The following MMP2 variants were observed in gnomAD, a reference collection of about 807,000 sequenced individuals.
The protein encoded by MMP2 is 72 kDa type IV collagenase.
A neutral mutation model predicts 74.8 loss-of-function variants in MMP2; 39 were observed. The ratio of observed to expected loss-of-function variants is 0.52; its 90% CI spans 0.40 to 0.68. The LOEUF (loss-of-function observed/expected upper bound fraction) is 0.68, where lower values mean the gene tolerates loss of function less well. MMP2 is among the 30% of genes least tolerant of loss of function. The pLI, the probability that MMP2 is intolerant of heterozygous loss-of-function variation, is 0.00. For synonymous variants in MMP2, 367 were observed against 339.8 expected, an observed-to-expected ratio of 1.08 and a Z score of -0.88; for missense variants, 803 against 878.3, an observed-to-expected ratio of 0.91 and a Z score of 1.08.
intron 12 of MMP2, among the ~76,000 whole-genome samples, chr16:55,503,851 G>A (rs1962729304): frequency 6.6e-6 from 1 of 152,078 alleles, no homozygotes; most frequent in Admixed American, 6.6e-5. Context: ...ATAATTATTG[G>A]CGGGCAAGAT....
chr16:55,483,781 G>A (rs891622834), intron 2 of MMP2, among the ~76,000 whole-genome samples: 1 of 152,162 alleles, frequency 6.6e-6, no homozygotes, highest in Admixed American at 6.5e-5. Context: ...GGCATTCTGG[G>A]AGGGTTGTCC....
chr16:55,496,857 G>A (rs563820196), intron 9 of MMP2, 69 bp from the exon 10 acceptor site: 72 of 1,600,482 alleles, frequency 4.5e-5, no homozygotes, highest in African/African-American at 3.2e-4. Context: ...GTGGGTTTGG[G>A]GGTGTGTGTG....
At chr16:55,490,206 A>C (rs1365835322) in intron 7 of MMP2, among the ~76,000 whole-genome samples, 1 of 152,196 alleles carries the variant, frequency 6.6e-6, no homozygotes, top group Non-Finnish European at 1.5e-5. Flanking sequence ...CAGAGAGACA[A>C]TTCTCCTAAG....
intron 10 of MMP2, 126 bp from the exon 11 acceptor site, chr16:55,498,163 T>G: frequency 2.4e-6 from 3 of 1,233,220 alleles, no homozygotes; most frequent in East Asian, 2.3e-5. Flanking sequence ...CAACCAGGAG[T>G]GAGCAGGAAG....
intron 9 of MMP2, among the ~76,000 whole-genome samples, chr16:55,494,710 G>T (rs1407961049): frequency 6.6e-6 from 1 of 152,222 alleles, no homozygotes; most frequent in Non-Finnish European, 1.5e-5. Context: ...ATTAAAGTTT[G>T]TGCATCACAA....
rs576737238 is a variant in MMP2 at position 55,485,929 on chromosome 16, A to C, written c.832+152A>C. 4.0e-5 allele frequency: 30 copies of C among 753,038 alleles called. No individual in the cohort carries two copies. The African/African-American group carries it at 4.8e-4, about 12-fold the overall frequency. 46.6% of individuals were successfully genotyped at this position (753,038 alleles called of 1,614,324 possible). A position where few individuals can be genotyped will look rare whatever the true frequency, so the allele number is the denominator to read the frequency against. On this transcript the variant is annotated intron_variant, in intron 5 of 12. Transcript: ENST00000219070. ...AACGTCCTTCACTCAGTTCCCCCCC[A>C]TCCTGATCTGAGCCATTGCTGTTTC...
intron 11 of MMP2, 76 bp from the exon 12 acceptor site, chr16:55,502,703 G>T: frequency 7.7e-7 from 1 of 1,306,926 alleles, no homozygotes; most frequent in East Asian, 2.3e-5. Context: ...CCATCAGCTG[G>T]GTGCTCCCAT....
chr16:55,491,812 T>C lies in MMP2; in HGVS notation c.1192T>C (p.Phe398Leu). The change falls in exon 8 of 13, where the codon TTC (phenylalanine) becomes CTC (leucine). Residue 398 changes from phenylalanine to leucine, a missense_variant. Physicochemically the swap from Phe to Leu is conservative, Grantham distance 22. This residue lies in a region of MMP2 where 555 missense variants were observed against 592.0 expected (regional missense o/e 0.94). Coordinates refer to ENST00000219070, the MANE Select transcript of MMP2 (RefSeq NM_004530.6). ...GFCPDQGYSL[F>L]LVAAHEFGHA... ...CCTGCAACCCTCAGGGTACAGCCTGTTCCTCGTGGCAGCCCACGAGTTTGG... is the reference window on the plus strand; with the variant it reads ...CCTGCAACCCTCAGGGTACAGCCTGCTCCTCGTGGCAGCCCACGAGTTTGG... 6.2e-7 allele frequency: 1 copy of C among 1,614,222 alleles called. No homozygotes were observed. The highest frequency in any genetic ancestry group is 2.2e-5 in the East Asian group (1 of 44,866).
Position 55,488,685 on chromosome 16 carries a change from C to A in MMP2, c.975C>A (p.Arg325=). 6.2e-7 allele frequency: 1 copy of A among 1,610,570 alleles called. No homozygotes were observed. The highest frequency in any genetic ancestry group is 8.5e-7 in the Non-Finnish European group (1 of 1,178,640). The change falls in exon 6 of 13, where the codon CGC becomes CGA. Residue 325 remains arginine (R), a synonymous_variant. Transcript: ENST00000219070. The stretch of plus-strand genomic sequence containing the variant: ...GCGGCACCACTGAGGACTACGACCG[C>A]GACAAGAAGTATGGCTTCTGCCCTG... ...RWCGTTEDYD[R]DKKYGFCPET... is the part of the protein sequence containing the mutation.
intron 11 of MMP2, among the ~76,000 whole-genome samples, chr16:55,500,494 T>TAAACACAC (rs1555493256): frequency 7.3e-6 from 1 of 136,194 alleles, no homozygotes; most frequent in East Asian, 2.4e-4. Context: ...CATGTGCGCA[T>TAAACACAC]ACACACACAC....
chr16:55,481,429 A>T (rs1320600632), intron 1 of MMP2: 1 of 164,994 alleles, frequency 6.1e-6, no homozygotes, highest in African/African-American at 2.4e-5. Context: ...CTTTCATTGC[A>T]GTCTTGGTTT....
chr16:55,505,210 C>G, intron 12 of MMP2, 129 bp from the exon 13 acceptor site: 1 of 852,970 alleles, frequency 1.2e-6, no homozygotes, highest in Non-Finnish European at 2.0e-6. Flanking sequence ...CTGCCTCAGC[C>G]TTTCAAAGCT....
intron 9 of MMP2, among the ~76,000 whole-genome samples, chr16:55,495,648 C>T (rs909423511): frequency 2.0e-5 from 3 of 152,200 alleles, no homozygotes; most frequent in Non-Finnish European, 4.4e-5. Flanking sequence ...CACCTTCCTA[C>T]GCTAGGATGT....
In MMP2 at chr16:55,488,604, G is replaced by A. The variant is rs1962318951; in HGVS notation, c.894G>A (p.Gln298=). The A allele has an allele frequency of 6.2e-7, 1 of 1,613,816 alleles. No homozygotes were observed. The highest frequency in any genetic ancestry group is 8.5e-7 in the Non-Finnish European group (1 of 1,179,966). The part of the protein sequence containing the change: ...GQPCKFPFRF[Q]GTSYDSCTTE... ...CCTGCAAGTTTCCATTCCGCTTCCA[G>A]GGCACATCCTATGACAGCTGCACCA... Residue 298 remains glutamine (Q), a synonymous_variant, in exon 6 of 13, where the codon CAG becomes CAA. Coordinates refer to ENST00000219070, the MANE Select transcript of MMP2 (RefSeq NM_004530.6).
Position 55,488,559 on chromosome 16 carries a change from C to T in MMP2, c.849C>T (p.Gly283=), listed in dbSNP as rs141562796. Residue 283 remains glycine, a synonymous_variant, in exon 6 of 13, where the codon GGC becomes GGT. Transcript: ENST00000219070. ...CACCCTTAGCCCTGTTCACCATGGGCGGCAACGCTGAAGGACAGCCCTGCA... is the reference window on the plus strand; with the variant it reads ...CACCCTTAGCCCTGTTCACCATGGGTGGCAACGCTGAAGGACAGCCCTGCA... ...FCPHEALFTM[G]GNAEGQPCKF... The T allele has an allele frequency of 4.1e-5, 66 of 1,613,870 alleles. No individual in the cohort carries two copies. The African/African-American group carries it at 4.5e-4, about 11-fold the overall frequency.
At chr16:55,499,462 C>A (rs2142369418) in intron 11 of MMP2, among the ~76,000 whole-genome samples, 2 of 152,226 alleles carry the variant, frequency 1.3e-5, no homozygotes, top group South Asian at 4.2e-4. Flanking sequence ...CTGTGTCATG[C>A]TCACAGCAGG....
intron 9 of MMP2, among the ~76,000 whole-genome samples, chr16:55,494,063 C>T (rs1596820958): frequency 6.6e-6 from 1 of 152,170 alleles, no homozygotes; most frequent in East Asian, 1.9e-4. Context: ...TCCATCCATA[C>T]CTATATCTTT....
intron 1 of MMP2, 57 bp downstream of exon 1, chr16:55,479,689 G>A (rs1962047795): frequency 6.2e-6 from 10 of 1,609,758 alleles, no homozygotes; most frequent in Non-Finnish European, 6.8e-6. Flanking sequence ...GGAGGCAAAG[G>A]ATGGGGGTGT....
chr16:55,491,416 G>C (rs558821697), intron 7 of MMP2, among the ~76,000 whole-genome samples: 41 of 152,102 alleles, frequency 2.7e-4, no homozygotes, highest in Non-Finnish European at 4.1e-4. Context: ...AGAGGCTGAG[G>C]AGCTGGGTTT....
Sources: allele counts gnomAD v4.1 joint callset (sites outside exome capture counted in the v4.1 genomes callset), GRCh38; gene constraint gnomAD v4.1.1; regional missense constraint gnomAD v4.1.1; transcripts MANE v1.5; gene names NCBI Gene and HGNC (gene_info 2026-07-23, HGNC 2026-07-21).